WWOX: variants seen among roughly 807,000 people sequenced by gnomAD.
WWOX encodes the protein WW domain containing oxidoreductase.
A neutral mutation model predicts 46.2 loss-of-function variants in WWOX; 69 were observed. The observed-to-expected ratio is 1.49, with a 90% CI of 1.23 to 1.82. The LOEUF is 1.82. WWOX is among the 40% of genes most tolerant of loss of function. The pLI, the probability that WWOX is intolerant of heterozygous loss-of-function variation, is 0.00. For missense variants in WWOX, 919 were observed against 542.6 expected (o/e 1.69, Z -6.89); for synonymous variants, 359 against 202.6 (o/e 1.77, Z -6.56).
At chr16:78,692,258 A>G (rs1305209907) in intron 8 of WWOX, among the ~76,000 whole-genome samples, 1 of 152,196 alleles carries the variant, frequency 6.6e-6, no homozygotes, top group Non-Finnish European at 1.5e-5. Flanking sequence ...TCTCAATCTA[A>G]TAGTAAATGG....
chr16:79,191,587 C>G (rs922716106), intron 8 of WWOX, among the ~76,000 whole-genome samples: 1 of 152,224 alleles, frequency 6.6e-6, no homozygotes, highest in Non-Finnish European at 1.5e-5. Context: ...TTCTCAATTA[C>G]TGATGATCAT....
intron 8 of WWOX, among the ~76,000 whole-genome samples, chr16:78,823,540 C>G (rs2051563239): frequency 1.3e-5 from 2 of 152,288 alleles, no homozygotes; most frequent in South Asian, 4.1e-4. Context: ...ATATAGCATT[C>G]TAAAGATGTT....
chr16:79,168,972 A>G (rs1319002777), intron 8 of WWOX, among the ~76,000 whole-genome samples: 2 of 152,230 alleles, frequency 1.3e-5, no homozygotes, highest in African/African-American at 2.4e-5. Flanking sequence ...CACTGTAAAA[A>G]TCTTGATTCC....
intron 4 of WWOX, among the ~76,000 whole-genome samples, chr16:78,129,334 A>G (rs964631823): frequency 2.6e-5 from 4 of 152,162 alleles, no homozygotes; most frequent in African/African-American, 9.7e-5. Flanking sequence ...ATTATTGGGA[A>G]GGTGTATTAA....
At chr16:78,409,671 G>A (rs545315542) in intron 6 of WWOX, among the ~76,000 whole-genome samples, 3 of 152,152 alleles carry the variant, frequency 2.0e-5, no homozygotes, top group Non-Finnish European at 4.4e-5. Flanking sequence ...AGCTCTGTAG[G>A]TTAAAGATTT....
At chr16:78,709,541 A>C (rs1400929477) in intron 8 of WWOX, among the ~76,000 whole-genome samples, 1 of 152,120 alleles carries the variant, frequency 6.6e-6, no homozygotes, top group East Asian at 1.9e-4. Flanking sequence ...TCTCTTCATT[A>C]GAACATCTTC....
intron 8 of WWOX, among the ~76,000 whole-genome samples, chr16:79,014,077 C>T (rs775708861): frequency 1.3e-5 from 2 of 152,322 alleles, no homozygotes; most frequent in Non-Finnish European, 1.5e-5. Flanking sequence ...ACTGAGCAAT[C>T]GTCTGCATTT....
At chr16:79,058,501 G>C (rs2048305664) in intron 8 of WWOX, among the ~76,000 whole-genome samples, 1 of 152,122 alleles carries the variant, frequency 6.6e-6, no homozygotes. Flanking sequence ...GGGATGGAAA[G>C]GAGGAAGGAA....
At chr16:78,528,033 C>T (rs1179509863) in intron 8 of WWOX, among the ~76,000 whole-genome samples, 15 of 71,576 alleles carry the variant, frequency 2.1e-4, no homozygotes, top group Non-Finnish European at 3.5e-4. Context: ...GAGTCTTGCT[C>T]TGTCGCCCAG....
chr16:78,820,498 T>C (rs370975045), intron 8 of WWOX, among the ~76,000 whole-genome samples: 4 of 152,136 alleles, frequency 2.6e-5, no homozygotes, highest in African/African-American at 9.7e-5. Flanking sequence ...CCCATTTCCA[T>C]GAGTAGAGTT....
chr16:78,850,756 C>A (rs1472566282), intron 8 of WWOX, among the ~76,000 whole-genome samples: 3 of 152,128 alleles, frequency 2.0e-5, no homozygotes, highest in African/African-American at 4.8e-5. Flanking sequence ...AAAAAGAACC[C>A]AATCTTATTG....
intron 8 of WWOX, among the ~76,000 whole-genome samples, chr16:78,810,868 T>C (rs1404693123): frequency 1.3e-5 from 2 of 152,172 alleles, no homozygotes. Flanking sequence ...GCTCAGTCAT[T>C]TTGTCATAAT....
chr16:78,854,617 G>C (rs1369209357), intron 8 of WWOX, among the ~76,000 whole-genome samples: 3 of 152,050 alleles, frequency 2.0e-5, no homozygotes, highest in African/African-American at 7.2e-5. Context: ...ATGTTGCTTT[G>C]TCACCCAGAC....
intron 5 of WWOX, among the ~76,000 whole-genome samples, chr16:78,290,633 T>A (rs1250884436): frequency 6.6e-6 from 1 of 152,266 alleles, no homozygotes; most frequent in Admixed American, 6.5e-5. Flanking sequence ...TAATGTAACT[T>A]GCCGTGTCGG....
At chr16:78,324,142 C>A (rs1284198310) in intron 5 of WWOX, among the ~76,000 whole-genome samples, 1 of 152,030 alleles carries the variant, frequency 6.6e-6, no homozygotes, top group African/African-American at 2.4e-5. Context: ...GATTCCAAGA[C>A]CGTGGCCTTT....
At chr16:78,847,462 C>T (rs1287114043) in intron 8 of WWOX, among the ~76,000 whole-genome samples, 2 of 152,106 alleles carry the variant, frequency 1.3e-5, no homozygotes, top group Admixed American at 6.5e-5. Context: ...TAATTCCAAT[C>T]CAACACAACA....
intron 8 of WWOX, among the ~76,000 whole-genome samples, chr16:78,547,103 G>T (rs1015864054): frequency 1.5e-5 from 2 of 135,032 alleles, no homozygotes; most frequent in Admixed American, 8.0e-5. Flanking sequence ...ACTCCAGCCT[G>T]GGAGAGTGTG....
At chr16:78,512,168 G>A (rs2085378101) in intron 8 of WWOX, among the ~76,000 whole-genome samples, 1 of 152,080 alleles carries the variant, frequency 6.6e-6, no homozygotes, top group African/African-American at 2.4e-5. Context: ...GCCCTGTGGT[G>A]TTTCCTCAGA....
At chr16:78,662,938 C>T (rs1490132708) in intron 8 of WWOX, among the ~76,000 whole-genome samples, 3 of 152,214 alleles carry the variant, frequency 2.0e-5, no homozygotes, top group Middle Eastern at 6.8e-3. Context: ...TGAGAGAGAC[C>T]GCAGCCAGGG....
Sources: allele counts gnomAD v4.1 joint callset (sites outside exome capture counted in the v4.1 genomes callset), GRCh38; gene constraint gnomAD v4.1.1; transcripts MANE v1.5; gene names NCBI Gene and HGNC (gene_info 2026-07-23, HGNC 2026-07-21).